Variants in ZNF701 observed in about 807,000 individuals in gnomAD.
ZNF701 encodes zinc finger protein 701.
ZNF701 carries 6 observed loss-of-function variants against 7.1 expected under a neutral mutation model. The ratio of observed to expected loss-of-function variants is 0.84; its 90% CI spans 0.46 to 1.66. The LOEUF is 1.66. Among genes scored for constraint, ZNF701 ranks in the 40% most tolerant of loss-of-function variants. The probability of loss-of-function intolerance (pLI) is 0.01; values close to 1 mark genes in which losing one functional copy is unlikely to be tolerated. For synonymous variants in ZNF701, 166 were observed against 188.2 expected (o/e 0.88, Z 0.97); for missense variants, 541 against 559.2 (o/e 0.97, Z 0.33).
At position 52,583,859 on chromosome 19, in the gene ZNF701, TGAAG is replaced by T; in HGVS notation, c.*405_*408del. 2 of 500,876 alleles carry T rather than the reference TGAAG, an allele frequency of 4.0e-6. No homozygotes were observed. The highest frequency in any genetic ancestry group is 1.9e-5 in the African/African-American group (1 of 51,772). 31.0% of individuals were successfully genotyped at this position (500,876 alleles called of 1,614,324 possible). A position where few individuals can be genotyped will look rare whatever the true frequency, so the allele number is the denominator to read the frequency against. On this transcript the variant is annotated 3_prime_UTR_variant, in exon 4 of 4. Transcript: ENST00000391785. ...TTGCAAAACATTGGAGAATCCATAA[TGAAG>T]GAGGTCTTACAAGTGTAATAAATGT...
chr19:52,592,081 G>T, downstream of ZNF701: 1 of 897,474 alleles, frequency 1.1e-6, no homozygotes, highest in Non-Finnish European at 1.8e-6. Flanking sequence ...ATGTTTTGTT[G>T]AAATCTGTCT....
At chr19:52,580,980 C>T (rs1388590066) in intron 3 of ZNF701, among the ~76,000 whole-genome samples, 11 of 80,200 alleles carry the variant, frequency 1.4e-4, no homozygotes, top group Non-Finnish European at 2.3e-4. Context: ...AAAAATTAGC[C>T]GGGCATGATG....
At chr19:52,580,274 T>C (rs776197123) in intron 3 of ZNF701, among the ~76,000 whole-genome samples, 43 of 152,124 alleles carry the variant, frequency 2.8e-4, no homozygotes, top group Non-Finnish European at 5.0e-4. Context: ...GTCAGAATTA[T>C]TTCTGTGTAT....
Position 52,582,834 on chromosome 19 carries a change from G to A in ZNF701, c.775G>A (p.Ala259Thr), listed in dbSNP as rs2059984745. Reference protein sequence around the residue: ...GKDFHQKRYLACHRCHTGENP... With the variant: ...GKDFHQKRYLTCHRCHTGENP... ...GGACTTTCATCAGAAGCGATACCTT[G>A]CATGCCATAGATGTCACACTGGTGA... The change falls in exon 4 of 4, where the codon GCA (alanine) becomes ACA (threonine). Residue 259 changes from alanine to threonine, a missense_variant. Transcript: ENST00000391785. 2 of 1,614,018 alleles carry A rather than the reference G, an allele frequency of 1.2e-6. No homozygotes were observed. The highest frequency in any genetic ancestry group is 1.7e-5 in the Admixed American group (1 of 59,988).
chr19:52,574,073 T>G lies in ZNF701; in HGVS notation c.-71-4T>G, dbSNP rs986722117. The G allele has an allele frequency of 5.6e-6, 9 of 1,610,752 alleles. No individual in the cohort carries two copies. Among genetic ancestry groups the G allele is most frequent in the Non-Finnish European group, 6.8e-6 (8 of 1,178,736 alleles). On this transcript the variant is annotated splice_polypyrimidine_tract_variant and splice_region_variant and intron_variant, in intron 1 of 3. Transcript: ENST00000391785. ...GCAGTAAACAACATATTTCTAACAT[T>G]CAGGATTGACTTCTAAAGACTTGGT...
At chr19:52,597,132 C>G in the ZNF701 span, 1 of 805,034 alleles carries the variant, frequency 1.2e-6, no homozygotes, top group Non-Finnish European at 2.0e-6. Context: ...TCGATCATAT[C>G]TTGCAGTTTA....
chr19:52,593,107 G>A, the ZNF701 span, among the ~76,000 whole-genome samples: 5 of 118,252 alleles, frequency 4.2e-5, 2 homozygotes, highest in African/African-American at 9.8e-5. Flanking sequence ...TAAGGTCACC[G>A]ATAAACAGGA....
chr19:52,592,412 T>C, the ZNF701 span, among the ~76,000 whole-genome samples: 1 of 152,292 alleles, frequency 6.6e-6, no homozygotes, highest in African/African-American at 2.4e-5. Context: ...TATGGAGTGG[T>C]TTTACATAAA....
At chr19:52,580,086 C>T (rs1027807189) in intron 3 of ZNF701, among the ~76,000 whole-genome samples, 2 of 140,944 alleles carry the variant, frequency 1.4e-5, no homozygotes, top group Admixed American at 6.8e-5. Flanking sequence ...GGGCTACAGG[C>T]GCCTGCCACC....
At chr19:52,580,243 T>C (rs952213387) in intron 3 of ZNF701, among the ~76,000 whole-genome samples, 13 of 151,088 alleles carry the variant, frequency 8.6e-5, no homozygotes, top group Non-Finnish European at 1.8e-4. Flanking sequence ...GCGCCCAGCC[T>C]TTTTAGAAAT....
In ZNF701 at chr19:52,585,052, C is replaced by G. The variant is rs1411569788; in HGVS notation, c.*1595C>G. ...GACCTGGAAATTCCGGCCCCTCTTT[C>G]TCAACTCAGAGCAAATTGAGACGTC... On this transcript the variant is annotated 3_prime_UTR_variant, in exon 4 of 4. Transcript: ENST00000391785. 6.6e-6 allele frequency: 1 copy of G among 150,994 alleles called. No homozygotes were observed. The highest frequency in any genetic ancestry group is 6.6e-5 in the Admixed American group (1 of 15,222). The allele number at this position is 150,994 out of a possible 1,614,324, so 9.4% of individuals were successfully genotyped here. A position where few individuals can be genotyped will look rare whatever the true frequency, so the allele number is the denominator to read the frequency against.
intron 3 of ZNF701, among the ~76,000 whole-genome samples, chr19:52,580,118 T>C (rs1243982164): frequency 7.1e-6 from 1 of 141,616 alleles, no homozygotes; most frequent in Non-Finnish European, 1.5e-5. Context: ...TTTTTTATTG[T>C]ATTTTTAGTA....
chr19:52,595,306 G>T, the ZNF701 span, among the ~76,000 whole-genome samples: 5 of 148,032 alleles, frequency 3.4e-5, no homozygotes, highest in East Asian at 1.9e-4. Context: ...TTATTGCTCT[G>T]TCACCCAGGC....
In ZNF701 at chr19:52,582,493, A is replaced by G. The variant is rs774198123; in HGVS notation, c.434A>G (p.His145Arg). Reference protein sequence around the residue: ...PIKNELGSSFHSHLPEVHIFH... With the variant: ...PIKNELGSSFRSHLPEVHIFH... ...AAAAATGAGCTTGGATCAAGCTTTC[A>G]TTCGCATCTGCCTGAAGTGCACATA... is the stretch of plus-strand genomic sequence containing the variant. The change falls in exon 4 of 4, where the codon CAT (histidine) becomes CGT (arginine). Residue 145 changes from histidine to arginine, a missense_variant. Coordinates refer to ENST00000391785, the MANE Select transcript of ZNF701 (RefSeq NM_018260.3). 5.6e-6 allele frequency: 9 copies of G among 1,614,112 alleles called. No homozygotes were observed. In the East Asian group the frequency reaches 1.1e-4, roughly 20 times the overall value.
chr19:52,592,190 A>C, the ZNF701 span: 3 of 1,570,424 alleles, frequency 1.9e-6, no homozygotes, highest in South Asian at 1.1e-5. Flanking sequence ...TTATACAGGG[A>C]AGTGATGTTG....
the ZNF701 span, chr19:52,594,395 T>C: frequency 6.6e-6 from 1 of 152,554 alleles, no homozygotes; most frequent in Non-Finnish European, 1.5e-5. Context: ...TATGACCATG[T>C]TGGCCAGGCT....
intron 1 of ZNF701, chr19:52,572,453 GT>G (rs2059907342): frequency 8.0e-7 from 1 of 1,243,752 alleles, no homozygotes; most frequent in African/African-American, 1.6e-5. Context: ...TTGGGAATCA[GT>G]GGCATCAGAA....
At chr19:52,588,505 T>G, downstream of ZNF701, 1 of 257,900 alleles carries the variant, frequency 3.9e-6, no homozygotes, top group African/African-American at 2.4e-5. Flanking sequence ...AAAAGAAAAA[T>G]TAAATCTCAT....
At chr19:52,572,109 C>A (rs763262960) in intron 1 of ZNF701, 158 of 297,262 alleles carry the variant, frequency 5.3e-4, no homozygotes, top group Non-Finnish European at 9.1e-4. Context: ...AGGCATGAGC[C>A]ACCGAGCCCG....
Sources: allele counts gnomAD v4.1 joint callset (sites outside exome capture counted in the v4.1 genomes callset), GRCh38; gene constraint gnomAD v4.1.1; transcripts MANE v1.5; gene names NCBI Gene and HGNC (gene_info 2026-07-23, HGNC 2026-07-21).